Variants in CC2D2A observed in about 807,000 individuals in gnomAD.
CC2D2A encodes coiled-coil and C2 domain containing 2A.
In CC2D2A, 155 loss-of-function variants were observed where a neutral mutation model predicts 212.9. The ratio of observed to expected loss-of-function variants is 0.73; its 90% CI spans 0.64 to 0.83. The LOEUF is 0.83. CC2D2A is among the 40% of genes least tolerant of loss of function. The pLI is 0.00. For synonymous variants in CC2D2A, 667 were observed against 686.5 expected (o/e 0.97, Z 0.44); for missense variants, 1,856 against 1,956.2 (o/e 0.95, Z 0.97).
chr4:15,542,417 T>C (rs183663299), intron 17 of CC2D2A, among the ~76,000 whole-genome samples: 14 of 152,252 alleles, frequency 9.2e-5, no homozygotes, highest in Admixed American at 8.5e-4. Context: ...TCCTCATCCA[T>C]CACTTAGGCA....
At chr4:15,497,549 T>C (rs1715687719) in intron 4 of CC2D2A, among the ~76,000 whole-genome samples, 1 of 152,232 alleles carries the variant, frequency 6.6e-6, no homozygotes, top group South Asian at 2.1e-4. Context: ...ATCATACTTT[T>C]AAATATTTGC....
At chr4:15,474,517 G>C (rs1245091320) in intron 1 of CC2D2A, among the ~76,000 whole-genome samples, 1 of 151,976 alleles carries the variant, frequency 6.6e-6, no homozygotes, top group Non-Finnish European at 1.5e-5. Context: ...ATGAGACCTA[G>C]TATTTGATAA....
At chr4:15,487,249 T>C (rs1231607051) in intron 4 of CC2D2A, among the ~76,000 whole-genome samples, 2 of 152,094 alleles carry the variant, frequency 1.3e-5, no homozygotes, top group Non-Finnish European at 2.9e-5. Flanking sequence ...ATTAAGATCC[T>C]CAACTATTAT....
chr4:15,478,802 A>G lies in CC2D2A; in HGVS notation c.119A>G (p.Lys40Arg), dbSNP rs780010340. The change falls in exon 3 of 37, where the codon AAA becomes AGA. Residue 40 changes from lysine (K) to arginine (R), a missense_variant. This residue lies in a region of CC2D2A where 1,512 missense variants were observed against 1,579.3 expected (regional missense o/e 0.96). Transcript: ENST00000424120. ...AAGGTTCGAAGACAGCCAAGAAAGAAACAGGTAAGAAGTGACAAGAAACTG... is the reference window on the plus strand; with the variant it reads ...AAGGTTCGAAGACAGCCAAGAAAGAGACAGGTAAGAAGTGACAAGAAACTG... ...NSKVRRQPRK[K>R]QPPTAVPKEM... 1.3e-6 allele frequency: 2 copies of G among 1,552,358 alleles called. No homozygotes were observed. Among genetic ancestry groups the G allele is most frequent in the Admixed American group, 2.0e-5 (1 of 51,108 alleles).
chr4:15,542,296 A>G (rs1050099085), intron 17 of CC2D2A, among the ~76,000 whole-genome samples: 12 of 152,276 alleles, frequency 7.9e-5, no homozygotes, highest in African/African-American at 2.4e-4. Context: ...CTCTTCTCCC[A>G]CAATGCTAAC....
chr4:15,598,599 T>C (rs1317158855), intron 35 of CC2D2A, among the ~76,000 whole-genome samples: 1 of 152,232 alleles, frequency 6.6e-6, no homozygotes, highest in East Asian at 1.9e-4. Context: ...CATTCCATGC[T>C]TAAACTTCAC....
intron 18 of CC2D2A, among the ~76,000 whole-genome samples, chr4:15,552,598 C>G (rs975693237): frequency 1.3e-5 from 2 of 152,172 alleles, no homozygotes; most frequent in African/African-American, 4.8e-5. Flanking sequence ...CTCTAACATA[C>G]TAAGTATTTC....
At chr4:15,502,965 G>A in intron 6 of CC2D2A, 42 bp downstream of exon 6, 1 of 1,481,766 alleles carries the variant, frequency 6.7e-7, no homozygotes, top group Non-Finnish European at 9.2e-7. Flanking sequence ...AACCAGTAAA[G>A]CAGAATATAA....
chr4:15,477,100 C>T (rs1387530638), intron 2 of CC2D2A, among the ~76,000 whole-genome samples: 1 of 152,124 alleles, frequency 6.6e-6, no homozygotes, highest in Non-Finnish European at 1.5e-5. Flanking sequence ...GTTGGGAGTT[C>T]GAGACCAGCC....
At chr4:15,521,632 C>G (rs114496466) in intron 11 of CC2D2A, among the ~76,000 whole-genome samples, 49 of 152,354 alleles carry the variant, frequency 3.2e-4, no homozygotes, top group African/African-American at 1.2e-3. Flanking sequence ...CATTTTCTTT[C>G]TCCTCTCTGG....
At chr4:15,472,911 C>T (rs1344648059) in intron 1 of CC2D2A, among the ~76,000 whole-genome samples, 1 of 152,174 alleles carries the variant, frequency 6.6e-6, no homozygotes, top group Non-Finnish European at 1.5e-5. Flanking sequence ...ACCTTGATCT[C>T]AGATGAGCTG....
At chr4:15,492,677 T>A (rs895934060) in intron 4 of CC2D2A, 3 of 624,148 alleles carry the variant, frequency 4.8e-6, no homozygotes, top group Non-Finnish European at 8.8e-6. Flanking sequence ...GCTGAGGGTC[T>A]CTCTCTTCCT....
At chr4:15,579,808 A>T (rs998580259) in intron 29 of CC2D2A, among the ~76,000 whole-genome samples, 160 bp from the exon 30 acceptor site, 5 of 152,236 alleles carry the variant, frequency 3.3e-5, no homozygotes, top group Non-Finnish European at 5.9e-5. Context: ...CTACAAATTT[A>T]ATTTAAATAA....
intron 1 of CC2D2A, among the ~76,000 whole-genome samples, chr4:15,471,976 G>A (rs993101132): frequency 6.6e-6 from 1 of 152,130 alleles, no homozygotes; most frequent in Admixed American, 6.6e-5. Context: ...TAAATCATTG[G>A]CTTAATGTAG....
intron 35 of CC2D2A, 66 bp downstream of exon 35, chr4:15,597,531 A>T (rs560572815): frequency 8.2e-7 from 1 of 1,225,546 alleles, no homozygotes; most frequent in Non-Finnish European, 1.2e-6. Context: ...ACTTTAAACC[A>T]CTGTCAGCCT....
chr4:15,516,047 T>G, intron 10 of CC2D2A, 43 bp downstream of exon 10: 9 of 1,478,438 alleles, frequency 6.1e-6, no homozygotes, highest in Non-Finnish European at 8.1e-6. Flanking sequence ...CTGGGCACAC[T>G]AGACATAGCT....
At chr4:15,490,115 A>C (rs1467666024) in intron 4 of CC2D2A, among the ~76,000 whole-genome samples, 8 of 152,236 alleles carry the variant, frequency 5.3e-5, no homozygotes, top group African/African-American at 1.9e-4. Flanking sequence ...TTGCACATCT[A>C]ATAAGACAAC....
chr4:15,561,941 C>G (rs1221935187), intron 23 of CC2D2A, among the ~76,000 whole-genome samples: 1 of 152,186 alleles, frequency 6.6e-6, no homozygotes, highest in African/African-American at 2.4e-5. Context: ...ATCATAACAC[C>G]TCTCGTAGCC....
Position 15,567,760 on chromosome 4 carries a change from G to A in CC2D2A, c.3372G>A (p.Trp1124Ter). Residue 1124 changes from tryptophan (W) to a stop codon, truncating the protein, a stop_gained, in exon 26 of 37, where the codon TGG becomes TGA. Transcript: ENST00000424120. LOFTEE classifies it high-confidence loss of function. ...CGGCTGAAGGACCAAACCCTAGCTGGAATGAAGAACTAGAACTTCCATTTA... is the reference window on the plus strand; with the variant it reads ...CGGCTGAAGGACCAAACCCTAGCTGAAATGAAGAACTAGAACTTCCATTTA... ...TTTAEGPNPS[W>*]NEELELPFRA... The A allele has an allele frequency of 6.3e-7, 1 of 1,596,628 alleles. No individual in the cohort carries two copies. Among genetic ancestry groups the A allele is most frequent in the Non-Finnish European group, 8.5e-7 (1 of 1,175,178 alleles).
Sources: gnomAD v4.1 joint callset for allele counts (sites outside exome capture counted in the v4.1 genomes callset) on GRCh38, gnomAD v4.1.1 for gene constraint, gnomAD v4.1.1 regional missense constraint, MANE v1.5 for transcripts, NCBI Gene and HGNC (gene_info 2026-07-23, HGNC 2026-07-21) for gene names.